The following MRPS22 variants were observed in gnomAD, a reference collection of about 807,000 sequenced individuals.
MRPS22 encodes small ribosomal subunit protein mS22.
In MRPS22, 30 loss-of-function variants were observed where a neutral mutation model predicts 44.0. The observed-to-expected ratio is 0.68, with a 90% CI of 0.51 to 0.93. MRPS22 has a LOEUF of 0.93. MRPS22 is among the 40% of genes least tolerant of loss of function. MRPS22 has a pLI of 0.00. For synonymous variants in MRPS22, 165 were observed against 154.4 expected, an observed-to-expected ratio of 1.07 and a Z score of -0.51; for missense variants, 447 against 447.8, an observed-to-expected ratio of 1.00 and a Z score of 0.02.
intron 3 of MRPS22, 45 bp from the exon 4 acceptor site, chr3:139,350,134 A>C: frequency 6.2e-7 from 1 of 1,612,994 alleles, no homozygotes; most frequent in Non-Finnish European, 8.5e-7. Context: ...GGAACTAAAA[A>C]TACGTCCTCA....
At chr3:139,348,033 C>A in intron 2 of MRPS22, 127 bp from the exon 3 acceptor site, 1 of 1,003,988 alleles carries the variant, frequency 1.0e-6, no homozygotes, top group Non-Finnish European at 1.5e-6. Context: ...TTTTTACTCA[C>A]TGATTTGTGG....
chr3:139,344,043 C>T lies in MRPS22; in HGVS notation c.17C>T (p.Thr6Ile), dbSNP rs1316995978. 3.1e-6 allele frequency: 5 copies of T among 1,614,056 alleles called. No individual in the cohort carries two copies. The highest frequency in any genetic ancestry group is 4.2e-6 in the Non-Finnish European group (5 of 1,180,046). Residue 6 changes from threonine to isoleucine, a missense_variant, in exon 1 of 8, where the codon ACA becomes ATA. By Grantham distance (89) the Thr-to-Ile change is moderately conservative. Coordinates refer to ENST00000680020, the MANE Select transcript of MRPS22 (RefSeq NM_020191.4). MAPLG[T>I]TVLLWSLLRS... Reference sequence around the variant, plus strand: ...CTGATAATCATGGCGCCCCTCGGAACAACTGTATTGCTGTGGAGCCTCTTG... The same window carrying T: ...CTGATAATCATGGCGCCCCTCGGAATAACTGTATTGCTGTGGAGCCTCTTG...
rs769362033 is a variant in MRPS22, at chr3:139,352,674, G to C, written c.760G>C (p.Asp254His). ...TCATCACAAGACCTATGAAGATATA[G>C]ATAAACGTGGAAAATATGACCTTTT... ...KVHHKTYEDI[D>H]KRGKYDLLRS... Residue 254 changes from aspartate (D) to histidine (H), a missense_variant, in exon 6 of 8, where the codon GAT (aspartate) becomes CAT (histidine). By Grantham distance (81) the Asp-to-His change is moderately conservative. Coordinates refer to ENST00000680020, the MANE Select transcript of MRPS22 (RefSeq NM_020191.4). The C allele has an allele frequency of 1.9e-6, 3 of 1,613,494 alleles. No homozygotes were observed. Among genetic ancestry groups the C allele is most frequent in the Non-Finnish European group, 2.5e-6 (3 of 1,179,484 alleles).
chr3:139,354,147 C>CTGGA (rs1941201954), intron 6 of MRPS22, among the ~76,000 whole-genome samples: 2 of 152,170 alleles, frequency 1.3e-5, no homozygotes, highest in South Asian at 4.1e-4. Context: ...AAACCACAGG[C>CTGGA]TGGACAGTAG....
intron 4 of MRPS22, 88 bp from the exon 5 acceptor site, chr3:139,350,889 A>G: frequency 1.0e-6 from 1 of 954,608 alleles, no homozygotes; most frequent in Non-Finnish European, 1.7e-6. Flanking sequence ...AGTGGCCAGT[A>G]TGTGGGTGGG....
At chr3:139,355,990 T>C (rs1941250558) in intron 7 of MRPS22, among the ~76,000 whole-genome samples, 200 bp downstream of exon 7, 1 of 152,046 alleles carries the variant, frequency 6.6e-6, no homozygotes, top group Non-Finnish European at 1.5e-5. Flanking sequence ...TAAAGTGCAG[T>C]AAAGTAGGTT....
At chr3:139,356,655 T>G (rs927671211) in intron 7 of MRPS22, among the ~76,000 whole-genome samples, 1 of 152,222 alleles carries the variant, frequency 6.6e-6, no homozygotes, top group Non-Finnish European at 1.5e-5. Context: ...GAAGGAAGTA[T>G]TAATATTAAT....
intron 4 of MRPS22, 162 bp downstream of exon 4, chr3:139,350,484 G>A: frequency 1.3e-6 from 1 of 743,780 alleles, no homozygotes; most frequent in Non-Finnish European, 2.2e-6. Context: ...CTGAAGTGCA[G>A]TGGCGGGATC....
chr3:139,344,511 T>C, intron 1 of MRPS22: 1 of 610,562 alleles, frequency 1.6e-6, no homozygotes. Flanking sequence ...GGCAGTGCAG[T>C]GTGACCCGGG....
chr3:139,355,917 A>G, intron 7 of MRPS22, 127 bp downstream of exon 7: 3 of 751,514 alleles, frequency 4.0e-6, no homozygotes, highest in Non-Finnish European at 7.1e-6. Flanking sequence ...TCTTGAAAAC[A>G]TCAGTATGAT....
rs370220731 is a variant in MRPS22 at position 139,355,635 on chromosome 3, T to A, written c.879-47T>A. 4 of 1,450,534 alleles carry A rather than the reference T, an allele frequency of 2.8e-6. No homozygotes were observed. In the South Asian group the frequency reaches 4.6e-5, roughly 17 times the overall value. The allele number at this position is 1,450,534 out of a possible 1,614,324, so 89.9% of individuals were successfully genotyped here. On this transcript the variant is annotated intron_variant, in intron 6 of 7. Transcript: ENST00000680020. ...GCACACACTTTTATAGGACTGTGAA[T>A]CAAATGAAGAAAACCCCTAGATAAC...
chr3:139,344,094 T>C lies in MRPS22; in HGVS notation c.68T>C (p.Val23Ala). The C allele has an allele frequency of 6.2e-7, 1 of 1,614,062 alleles. No individual in the cohort carries two copies. Among genetic ancestry groups the C allele is most frequent in the Non-Finnish European group, 8.5e-7 (1 of 1,180,010 alleles). ...LLRSSPGVER[V>A]CFRARIQPWH... ...AGGAGTTCTCCGGGCGTGGAACGGG[T>C]CTGTTTCCGGGCTCGAATCCAGCCC... Residue 23 changes from valine to alanine, a missense_variant, in exon 1 of 8, where the codon GTC becomes GCC. Transcript: ENST00000680020.
At chr3:139,352,369 A>G in intron 5 of MRPS22, 1 of 384,880 alleles carries the variant, frequency 2.6e-6, no homozygotes, top group Non-Finnish European at 4.9e-6. Flanking sequence ...GGACTGCTCA[A>G]GCAGTCCTCC....
intron 6 of MRPS22, among the ~76,000 whole-genome samples, chr3:139,353,764 T>C (rs1167627703): frequency 6.6e-6 from 1 of 152,094 alleles, no homozygotes; most frequent in Non-Finnish European, 1.5e-5. Context: ...GGCAGAAATA[T>C]ACCTTCATAC....
At chr3:139,344,340 T>A (rs1940996195) in intron 1 of MRPS22, 142 bp downstream of exon 1, 7 of 953,672 alleles carry the variant, frequency 7.3e-6, no homozygotes, top group Non-Finnish European at 1.1e-5. Flanking sequence ...TCTGTACCTG[T>A]AGAGTTTGTC....
intron 2 of MRPS22, among the ~76,000 whole-genome samples, chr3:139,347,641 A>C (rs555861348): frequency 7.2e-5 from 11 of 152,216 alleles, no homozygotes; most frequent in Admixed American, 2.0e-4. Flanking sequence ...GCATGAAGCA[A>C]TGTAGTCAAT....
chr3:139,344,103 G>A lies in MRPS22; in HGVS notation c.77G>A (p.Arg26Gln), dbSNP rs202124526. 20 of 1,614,104 alleles carry A rather than the reference G, an allele frequency of 1.2e-5. No homozygotes were observed. Among genetic ancestry groups the A allele is most frequent in the East Asian group, 2.2e-5 (1 of 44,850 alleles). Residue 26 changes from arginine to glutamine, a missense_variant, in exon 1 of 8, where the codon CGG becomes CAG. Physicochemically the swap from Arg to Gln is conservative, Grantham distance 43 (BLOSUM62 1). Coordinates refer to ENST00000680020, the MANE Select transcript of MRPS22 (RefSeq NM_020191.4). ...SSPGVERVCF[R>Q]ARIQPWHGGL... is the part of the protein sequence containing the mutation. ...CCGGGCGTGGAACGGGTCTGTTTCCGGGCTCGAATCCAGCCCTGGCACGGT... is the reference window on the plus strand; with the variant it reads ...CCGGGCGTGGAACGGGTCTGTTTCCAGGCTCGAATCCAGCCCTGGCACGGT...
chr3:139,349,201 G>T, intron 3 of MRPS22: 1 of 407,354 alleles, frequency 2.5e-6, no homozygotes, highest in Non-Finnish European at 4.8e-6. Context: ...GTGCATGTTG[G>T]TTGGGAAGCA....
At chr3:139,356,887 T>G in intron 7 of MRPS22, 32 bp from the exon 8 acceptor site, 1 of 1,504,138 alleles carries the variant, frequency 6.6e-7, no homozygotes, top group Non-Finnish European at 9.2e-7. Flanking sequence ...ATATGTCCTA[T>G]TGTTTTAAAA....
Sources: gnomAD v4.1 joint callset for allele counts (sites outside exome capture counted in the v4.1 genomes callset) on GRCh38, gnomAD v4.1.1 for gene constraint, MANE v1.5 for transcripts, NCBI Gene and HGNC (gene_info 2026-07-23, HGNC 2026-07-21) for gene names.